Variants in ADRA1A observed in about 807,000 individuals in gnomAD.
The protein encoded by ADRA1A is alpha-1A adrenergic receptor.
Under a neutral mutation model 29.6 loss-of-function variants are expected in ADRA1A, and 31 were observed. The observed-to-expected ratio is 1.05, with a 90% CI of 0.79 to 1.41. ADRA1A has a LOEUF of 1.41. Ranked by LOEUF, ADRA1A falls within the 40% of genes most tolerant of loss-of-function variation. The pLI is 0.00. For synonymous variants in ADRA1A, 311 were observed against 254.3 expected, an observed-to-expected ratio of 1.22 and a Z score of -2.12; for missense variants, 619 against 601.1, an observed-to-expected ratio of 1.03 and a Z score of -0.31.
chr8:26,753,502 A>G (rs1370243920), downstream of ADRA1A, among the ~76,000 whole-genome samples: 1 of 152,126 alleles, frequency 6.6e-6, no homozygotes, highest in Non-Finnish European at 1.5e-5. Flanking sequence ...AAAATAATAA[A>G]GTGTTGTCTT....
intron 2 of ADRA1A, among the ~76,000 whole-genome samples, chr8:26,850,423 G>A (rs1812543708): frequency 6.6e-6 from 1 of 152,210 alleles, no homozygotes; most frequent in African/African-American, 2.4e-5. Flanking sequence ...TGAATTCTAT[G>A]TCACATAAGT....
chr8:26,796,233 C>T lies in ADRA1A; in HGVS notation c.884-25567G>A, dbSNP rs1170331380. On this transcript the variant is annotated intron_variant, in intron 2 of 2. Transcript: ENST00000380573. This position sits in a 1 kb window ranked among gnomAD's most constrained non-coding sequence, Gnocchi z 5.0. ...TAAAATTGGGTTATAGGTACATCAG[C>T]TTCATTACATGATTGTCTCTACTTT... Among the ~76,000 whole-genome samples the T allele has an allele frequency of 6.6e-6, 1 of 152,080 alleles. No individual in the cohort carries two copies. The highest frequency in any genetic ancestry group is 6.6e-5 in the Admixed American group (1 of 15,250).
Position 26,864,576 on chromosome 8 carries a change from G to A in ADRA1A, c.394C>T (p.Leu132=). The change falls in exon 2 of 3, where the codon CTG becomes TTG. Residue 132 remains leucine, a synonymous_variant. Transcript: ENST00000380573. The surrounding 1 kb of genome is among the most constrained non-coding windows in gnomAD (Gnocchi z 8.1). ...IDRYIGVSYP[L]RYPTIVTQRR... ...TGGGTGACGATGGTTGGGTAGCGCAGCGGGTAGCTCACGCCGATGTAGCGG... is the reference window on the plus strand; with the variant it reads ...TGGGTGACGATGGTTGGGTAGCGCAACGGGTAGCTCACGCCGATGTAGCGG... The A allele has an allele frequency of 6.2e-7, 1 of 1,614,166 alleles. No homozygotes were observed. The highest frequency in any genetic ancestry group is 8.5e-7 in the Non-Finnish European group (1 of 1,180,040).
At chr8:26,752,492 A>G (rs1341528535), downstream of ADRA1A, among the ~76,000 whole-genome samples, 1 of 152,218 alleles carries the variant, frequency 6.6e-6, no homozygotes, top group African/African-American at 2.4e-5. Flanking sequence ...TTTTATTGGT[A>G]CAGCTGCCGG....
chr8:26,781,475 T>C (rs1806976405), intron 2 of ADRA1A, among the ~76,000 whole-genome samples: 1 of 152,244 alleles, frequency 6.6e-6, no homozygotes, highest in Non-Finnish European at 1.5e-5. Context: ...ACACAGCTCC[T>C]GCTTCAATTA....
chr8:26,759,165 A>G (rs1375290193), intron 2 of ADRA1A, among the ~76,000 whole-genome samples: 2 of 152,202 alleles, frequency 1.3e-5, no homozygotes, highest in East Asian at 3.9e-4. Context: ...TCTGATGAAG[A>G]AAGCATGTGT....
intron 2 of ADRA1A, among the ~76,000 whole-genome samples, chr8:26,817,693 G>T (rs1048632464): frequency 6.6e-6 from 1 of 152,194 alleles, no homozygotes; most frequent in African/African-American, 2.4e-5. Context: ...TTGGAGGATT[G>T]ATTGAGCCTG....
intron 2 of ADRA1A, among the ~76,000 whole-genome samples, chr8:26,814,903 T>C (rs970375991): frequency 6.6e-6 from 1 of 152,216 alleles, no homozygotes; most frequent in Non-Finnish European, 1.5e-5. Flanking sequence ...TCTCTTCTTT[T>C]ATCTCTTGAA....
chr8:26,779,316 A>G lies in ADRA1A; in HGVS notation c.884-8650T>C, dbSNP rs781403607. 3.0e-5 allele frequency: 21 copies of G among 702,724 alleles called. 1 individual carries two copies. In the African/African-American group the frequency reaches 3.7e-4, roughly 12 times the overall value. 43.5% of individuals were successfully genotyped at this position (702,724 alleles called of 1,614,324 possible). A position where few individuals can be genotyped will look rare whatever the true frequency, so the allele number is the denominator to read the frequency against. Reference sequence around the variant, plus strand: ...AACCCCACAGGTGTCTTTCCTTGAAACACCTTCCAAATTTTCCTTCTCCAT... The same window carrying G: ...AACCCCACAGGTGTCTTTCCTTGAAGCACCTTCCAAATTTTCCTTCTCCAT... On this transcript the variant is annotated intron_variant, in intron 2 of 2. Transcript: ENST00000380573.
chr8:26,774,502 T>C lies in ADRA1A; in HGVS notation c.884-3836A>G, dbSNP rs185108997. Among the ~76,000 whole-genome samples, 425 of 152,074 alleles carry C rather than the reference T, an allele frequency of 2.8e-3. 8 individuals carry two copies. The highest frequency in any genetic ancestry group is 0.023 in the Admixed American group (354 of 15,280). On this transcript the variant is annotated intron_variant, in intron 2 of 2. Transcript: ENST00000380573. ...TGGGCAACATGGTGAAACCCCATCT[T>C]TACTAAAAATACAAAAATTAGCTGG...
At chr8:26,754,405 T>G (rs1425779001), downstream of ADRA1A, among the ~76,000 whole-genome samples, 2 of 152,086 alleles carry the variant, frequency 1.3e-5, no homozygotes, top group Non-Finnish European at 2.9e-5. Context: ...CATCGTCAAC[T>G]TAGTCGACCA....
At chr8:26,780,645 C>A (rs1194451692) in intron 2 of ADRA1A, among the ~76,000 whole-genome samples, 3 of 152,216 alleles carry the variant, frequency 2.0e-5, no homozygotes, top group Non-Finnish European at 2.9e-5. Context: ...CCCTGGGCCA[C>A]AGACCAGTAC....
At chr8:26,863,216 T>C (rs1813612756) in intron 2 of ADRA1A, among the ~76,000 whole-genome samples, 1 of 152,216 alleles carries the variant, frequency 6.6e-6, no homozygotes, top group Non-Finnish European at 1.5e-5. Context: ...ACACAACCAT[T>C]TTGGGATCTC....
intron 2 of ADRA1A, among the ~76,000 whole-genome samples, chr8:26,816,234 T>C (rs1347491154): frequency 1.3e-5 from 2 of 152,162 alleles, no homozygotes; most frequent in African/African-American, 4.8e-5. Flanking sequence ...CCTGTCACCT[T>C]CAAGGAATTG....
chr8:26,753,094 T>C (rs1486462621), downstream of ADRA1A, among the ~76,000 whole-genome samples: 1 of 152,190 alleles, frequency 6.6e-6, no homozygotes. Context: ...GGAGTCCCAC[T>C]GAGGGAGTGG....
At chr8:26,813,549 C>T (rs73231562) in intron 2 of ADRA1A, among the ~76,000 whole-genome samples, 10,079 of 152,102 alleles carry the variant, frequency 0.066, 391 homozygotes, top group Middle Eastern at 0.082. Context: ...TTAATCCAGT[C>T]AACCATCCCT....
At chr8:26,861,439 C>T (rs913957195) in intron 2 of ADRA1A, among the ~76,000 whole-genome samples, 5 of 151,474 alleles carry the variant, frequency 3.3e-5, no homozygotes, top group African/African-American at 1.2e-4. Flanking sequence ...ATAGCTGGGA[C>T]TAAAGGTGCA....
At chr8:26,844,915 A>C (rs1422496624) in intron 2 of ADRA1A, among the ~76,000 whole-genome samples, 2 of 152,356 alleles carry the variant, frequency 1.3e-5, no homozygotes, top group East Asian at 3.9e-4. Context: ...AACTAACAAT[A>C]GCTGATGAGC....
At chr8:26,797,366 A>G (rs894826853) in intron 2 of ADRA1A, among the ~76,000 whole-genome samples, 1 of 152,008 alleles carries the variant, frequency 6.6e-6, no homozygotes, top group African/African-American at 2.4e-5. Flanking sequence ...GTGCGATCAC[A>G]GTTCACGGTA....
Sources: gnomAD v4.1 joint callset for allele counts (sites outside exome capture counted in the v4.1 genomes callset) on GRCh38, gnomAD v4.1.1 for gene constraint, Gnocchi (gnomAD v3.1) non-coding constraint, MANE v1.5 for transcripts, NCBI Gene and HGNC (gene_info 2026-07-23, HGNC 2026-07-21) for gene names.